Variants in GJB1 observed in about 807,000 individuals in gnomAD.
GJB1 encodes gap junction protein beta 1, also known as gap junction beta-1 protein.
GJB1 carries 1 observed loss-of-function variant against 12.0 expected under a neutral mutation model. That is an observed-to-expected ratio of 0.08 (90% CI 0.03 to 0.40). The LOEUF (loss-of-function observed/expected upper bound fraction) is 0.40, where lower values mean the gene tolerates loss of function less well. Among genes scored for constraint, GJB1 ranks in the 10% least tolerant of loss-of-function variants. The probability of loss-of-function intolerance (pLI) is 0.98; values close to 1 mark genes in which losing one functional copy is unlikely to be tolerated. For synonymous variants in GJB1, 114 were observed against 102.8 expected (o/e 1.11, Z -0.66); for missense variants, 140 against 250.3 (o/e 0.56, Z 2.97).
Position 71,223,894 on chromosome X carries a change from G to A in GJB1, c.187G>A (p.Val63Ile), listed in dbSNP as rs116840818. Residue 63 changes from valine (V) to isoleucine (I), a missense_variant, in exon 2 of 2, where the codon GTT (valine) becomes ATT (isoleucine). Physicochemically the swap from Val to Ile is conservative, Grantham distance 29. Around this residue, in one of 4 missense-constraint regions of GJB1, gnomAD observed 16 missense variants for 50.0 expected, o/e 0.32. Coordinates refer to ENST00000361726, the MANE Select transcript of GJB1 (RefSeq NM_000166.6). ...CACACTCCAGCCTGGCTGCAACAGC[G>A]TTTGCTATGACCAATTCTTCCCCAT... ...CNTLQPGCNSVCYDQFFPISH... is the reference protein window; with the variant it reads ...CNTLQPGCNSICYDQFFPISH... The A allele has an allele frequency of 2.5e-6, 3 of 1,209,998 alleles. No homozygotes were observed. The highest frequency in any genetic ancestry group is 2.2e-6 in the Non-Finnish European group (2 of 894,543).
chrX:71,218,468 T>C (rs1468391655), upstream of GJB1, among the ~76,000 whole-genome samples: 2 of 103,299 alleles, frequency 1.9e-5, no homozygotes. Flanking sequence ...GTAGAGCTTA[T>C]GGGAAAGAGT....
chrX:71,224,647 C>T lies in GJB1; in HGVS notation c.*88C>T. 2.5e-6 allele frequency: 2 copies of T among 809,284 alleles called. No individual in the cohort carries two copies. The highest frequency in any genetic ancestry group is 6.9e-5 in the East Asian group (2 of 29,021). 66.7% of individuals were successfully genotyped at this position (809,284 alleles called of 1,213,427 possible). On this transcript the variant is annotated 3_prime_UTR_variant, in exon 2 of 2. Transcript: ENST00000361726. ...TCCCCTGCCGGTGCACAGGCCTCTGCCTGCTGGGGATTACTCGATCAAAAC... is the reference window on the plus strand; with the variant it reads ...TCCCCTGCCGGTGCACAGGCCTCTGTCTGCTGGGGATTACTCGATCAAAAC...
rs1052105571 is a variant in GJB1 at position 71,225,379 on chromosome X, C to T, written c.*820C>T. 1 of 123,237 alleles carries T rather than the reference C, an allele frequency of 8.1e-6. No homozygotes were observed. The highest frequency in any genetic ancestry group is 3.2e-5 in the African/African-American group (1 of 30,822). The allele number at this position is 123,237 out of a possible 1,213,427, so 10.2% of individuals were successfully genotyped here. ...TACTTCTGGGCCGCAGAGCCAGCCC[C>T]GGAGCCATTCCTCCCTGTTGCTTTT... On this transcript the variant is annotated 3_prime_UTR_variant, in exon 2 of 2. Coordinates refer to ENST00000361726, the MANE Select transcript of GJB1 (RefSeq NM_000166.6).
chrX:71,221,611 G>C (rs2092538168), upstream of GJB1, among the ~76,000 whole-genome samples: 5 of 111,179 alleles, frequency 4.5e-5, 1 homozygote, highest in South Asian at 1.9e-3. Flanking sequence ...CTATGGTCCA[G>C]GGCTGCATGT....
At chrX:71,216,168 G>A (rs5980745) in intron 1 of GJB1, among the ~76,000 whole-genome samples, 31,278 of 110,469 alleles carry the variant, frequency 0.28, 3,418 homozygotes, top group East Asian at 0.51. Context: ...ACCACGCCCG[G>A]CCGGTTTGGA....
chrX:71,224,659 T>G lies in GJB1; in HGVS notation c.*100T>G. 1 of 762,575 alleles carries G rather than the reference T, an allele frequency of 1.3e-6. No individual in the cohort carries two copies. The highest frequency in any genetic ancestry group is 2.0e-6 in the Non-Finnish European group (1 of 507,975). The allele number at this position is 762,575 out of a possible 1,213,427, so 62.8% of individuals were successfully genotyped here. A position where few individuals can be genotyped will look rare whatever the true frequency, so the allele number is the denominator to read the frequency against. ...GCACAGGCCTCTGCCTGCTGGGGAT[T>G]ACTCGATCAAAACCTTCCTTCCCTG... is the stretch of plus-strand genomic sequence containing the variant. On this transcript the variant is annotated 3_prime_UTR_variant, in exon 2 of 2. Transcript: ENST00000361726.
At chrX:71,219,652 T>C (rs1187695662), upstream of GJB1, among the ~76,000 whole-genome samples, 2 of 99,841 alleles carry the variant, frequency 2.0e-5, no homozygotes, top group East Asian at 6.7e-4. Context: ...CGGGCGCCTG[T>C]AGTCCCAGCT....
upstream of GJB1, among the ~76,000 whole-genome samples, chrX:71,220,058 GT>G (rs1012316214): frequency 1.9e-5 from 2 of 105,092 alleles, no homozygotes; most frequent in Middle Eastern, 5.0e-3. Context: ...GGTCAGGCTG[GT>G]CTCGAACTCC....
chrX:71,224,256 C>T lies in GJB1; in HGVS notation c.549C>T (p.Arg183=). Residue 183 remains arginine (R), a synonymous_variant, in exon 2 of 2, where the codon CGC becomes CGT. Transcript: ENST00000361726. ...ACACAGTGGACTGCTTCGTGTCCCG[C>T]CCCACCGAGAAAACCGTCTTCACCG... is the stretch of plus-strand genomic sequence containing the variant. ...CPNTVDCFVS[R]PTEKTVFTVF... 1 of 1,203,643 alleles carries T rather than the reference C, an allele frequency of 8.3e-7. No homozygotes were observed. Among genetic ancestry groups the T allele is most frequent in the Non-Finnish European group, 1.1e-6 (1 of 893,712 alleles).
At chrX:71,221,291 T>C (rs1211961093), upstream of GJB1, among the ~76,000 whole-genome samples, 1 of 111,330 alleles carries the variant, frequency 9.0e-6, no homozygotes, top group Non-Finnish European at 1.9e-5. Context: ...TTCCCCATGC[T>C]GGTTGGCACA....
Position 71,225,168 on chromosome X carries a change from T to A in GJB1, c.*609T>A, listed in dbSNP as rs758705586. ...CCCCAAGGCCTCTCTCTGCCTGAAA[T>A]GTTACACATTAAACAGGATTTTACA... On this transcript the variant is annotated 3_prime_UTR_variant, in exon 2 of 2. Transcript: ENST00000361726. 4.3e-4 allele frequency: 55 copies of A among 126,965 alleles called. No homozygotes were observed. 10.5% of individuals were successfully genotyped at this position (126,965 alleles called of 1,213,427 possible). A position where few individuals can be genotyped will look rare whatever the true frequency, so the allele number is the denominator to read the frequency against.
Position 71,224,515 on chromosome X carries a change from G to A in GJB1, c.808G>A (p.Gly270Arg), listed in dbSNP as rs1244231648. The change falls in exon 2 of 2, where the codon GGG becomes AGG. Residue 270 changes from glycine to arginine, a missense_variant. By Grantham distance (125) the Gly-to-Arg change is moderately radical. Coordinates refer to ENST00000361726, the MANE Select transcript of GJB1 (RefSeq NM_000166.6). ...KDILRRSPGT[G>R]AGLAEKSDRC... is the part of the protein sequence containing the mutation. ...CATACTGCGCCGCAGCCCTGGCACCGGGGCTGGGCTGGCTGAAAAGAGCGA... is the reference window on the plus strand; with the variant it reads ...CATACTGCGCCGCAGCCCTGGCACCAGGGCTGGGCTGGCTGAAAAGAGCGA... The A allele has an allele frequency of 4.2e-6, 5 of 1,193,785 alleles. No homozygotes were observed. Among genetic ancestry groups the A allele is most frequent in the Non-Finnish European group, 5.6e-6 (5 of 886,554 alleles).
At chrX:71,221,371 A>G (rs1320680885), upstream of GJB1, among the ~76,000 whole-genome samples, 1 of 109,981 alleles carries the variant, frequency 9.1e-6, no homozygotes, top group African/African-American at 3.3e-5. Context: ...TTATTTAGCT[A>G]AATGAAGAAA....
chrX:71,217,662 T>C (rs1236288806), intron 1 of GJB1: 4 of 111,215 alleles, frequency 3.6e-5, no homozygotes, highest in Non-Finnish European at 7.5e-5. Context: ...AGGGATCAGT[T>C]CTCCTTCCAA....
At chrX:71,215,718 A>G (rs1958990694) in intron 1 of GJB1, among the ~76,000 whole-genome samples, 2 of 111,393 alleles carry the variant, frequency 1.8e-5, no homozygotes, top group African/African-American at 6.5e-5. Context: ...CCAGGCATGC[A>G]CCCAACACGG....
chrX:71,219,150 C>A (rs868283943), upstream of GJB1, among the ~76,000 whole-genome samples: 3 of 98,053 alleles, frequency 3.1e-5, no homozygotes, highest in African/African-American at 7.7e-5. Context: ...TTGAGGTGGT[C>A]TTATTATTAT....
At position 71,224,131 on chromosome X, in the gene GJB1, C is replaced by T. The variant is rs104894810; in HGVS notation, c.424C>T (p.Arg142Trp). The change falls in exon 2 of 2, where the codon CGG (arginine) becomes TGG (tryptophan). Residue 142 changes from arginine to tryptophan, a missense_variant. Around this residue, in one of 4 missense-constraint regions of GJB1, gnomAD observed 49 missense variants for 104.5 expected, o/e 0.47. Coordinates refer to ENST00000361726, the MANE Select transcript of GJB1 (RefSeq NM_000166.6). ...WWTYVISVVF[R>W]LLFEAVFMYV... is the part of the protein sequence containing the mutation. ...GACCTATGTCATCAGCGTGGTGTTCCGGCTGTTGTTTGAGGCCGTCTTCAT... is the reference window on the plus strand; with the variant it reads ...GACCTATGTCATCAGCGTGGTGTTCTGGCTGTTGTTTGAGGCCGTCTTCAT... 8.3e-7 allele frequency: 1 copy of T among 1,205,402 alleles called. No individual in the cohort carries two copies. Among genetic ancestry groups the T allele is most frequent in the Non-Finnish European group, 1.1e-6 (1 of 892,125 alleles).
In GJB1 at chrX:71,224,712, C is replaced by T; in HGVS notation, c.*153C>T. On this transcript the variant is annotated 3_prime_UTR_variant, in exon 2 of 2. Transcript: ENST00000361726. ...TACTTCCCTTCCTCCCGGGGCCTTC[C>T]TTTTGAGGAGCTGGAGGGGTGGGGA... 1.8e-6 allele frequency: 1 copy of T among 553,959 alleles called. No homozygotes were observed. Among genetic ancestry groups the T allele is most frequent in the Non-Finnish European group, 3.0e-6 (1 of 327,995 alleles). The allele number at this position is 553,959 out of a possible 1,213,427, so 45.7% of individuals were successfully genotyped here. A position where few individuals can be genotyped will look rare whatever the true frequency, so the allele number is the denominator to read the frequency against.
rs1174424501 is a variant in GJB1, at chrX:71,224,061, G to A, written c.354G>A (p.Glu118=). 2.5e-6 allele frequency: 3 copies of A among 1,202,550 alleles called. No homozygotes were observed. The highest frequency in any genetic ancestry group is 3.4e-6 in the Non-Finnish European group (3 of 890,994). ...LEGHGDPLHL[E]EVKRHKVHIS... The stretch of plus-strand genomic sequence containing the variant: ...GCCATGGGGACCCCCTACACCTGGA[G>A]GAGGTGAAGAGGCACAAGGTCCACA... The change falls in exon 2 of 2, where the codon GAG becomes GAA. Residue 118 remains glutamate (E), a synonymous_variant. Coordinates refer to ENST00000361726, the MANE Select transcript of GJB1 (RefSeq NM_000166.6).
Sources: allele counts gnomAD v4.1 joint callset (sites outside exome capture counted in the v4.1 genomes callset), GRCh38; gene constraint gnomAD v4.1.1; regional missense constraint gnomAD v4.1.1; transcripts MANE v1.5; gene names NCBI Gene and HGNC (gene_info 2026-07-23, HGNC 2026-07-21).